The following RHCE variants were observed in gnomAD, a reference collection of about 807,000 sequenced individuals.
RHCE encodes the protein Rh blood group CcEe antigens.
Under a neutral mutation model 43.8 loss-of-function variants are expected in RHCE, and 22 were observed. The ratio of observed to expected loss-of-function variants is 0.50; its 90% CI spans 0.36 to 0.72. The LOEUF is 0.72. RHCE is among the 30% of genes least tolerant of loss of function. The probability of loss-of-function intolerance (pLI) is 0.00; values close to 1 mark genes in which losing one functional copy is unlikely to be tolerated. For synonymous variants in RHCE, 156 were observed against 210.7 expected (o/e 0.74, Z 2.25); for missense variants, 385 against 525.4 (o/e 0.73, Z 2.61).
intron 8 of RHCE, among the ~76,000 whole-genome samples, chr1:25,374,122 G>C (rs2124327273): frequency 6.6e-6 from 1 of 150,432 alleles, no homozygotes; most frequent in East Asian, 2.0e-4. Flanking sequence ...TGCCTGGCCT[G>C]AATGTGTATT....
At chr1:25,401,239 C>T (rs1385555111) in intron 3 of RHCE, among the ~76,000 whole-genome samples, 2 of 152,194 alleles carry the variant, frequency 1.3e-5, no homozygotes, top group Non-Finnish European at 2.9e-5. Context: ...CCTCAAAACC[C>T]TATGTGGTAG....
chr1:25,427,473 G>A (rs946666897), intron 2 of RHCE, among the ~76,000 whole-genome samples: 1 of 152,238 alleles, frequency 6.6e-6, no homozygotes, highest in Non-Finnish European at 1.5e-5. Flanking sequence ...CTTCTGGCAG[G>A]AGGCCCACTT....
At chr1:25,380,873 T>C (rs546678483) in intron 7 of RHCE, among the ~76,000 whole-genome samples, 10 of 151,890 alleles carry the variant, frequency 6.6e-5, no homozygotes, top group South Asian at 2.1e-4. Flanking sequence ...CTGGCTTTGT[T>C]CTATGTGTAC....
chr1:25,373,482 A>C (rs1287912355), intron 8 of RHCE, among the ~76,000 whole-genome samples: 4 of 151,804 alleles, frequency 2.6e-5, no homozygotes, highest in African/African-American at 7.3e-5. Flanking sequence ...CTGCTTCTTC[A>C]CACAGACTCT....
chr1:25,394,725 A>G (rs1224246281), intron 3 of RHCE, among the ~76,000 whole-genome samples: 21 of 152,212 alleles, frequency 1.4e-4, no homozygotes, highest in Admixed American at 1.4e-3. Context: ...GCCCTCAGTC[A>G]TACATAAAGA....
intron 3 of RHCE, among the ~76,000 whole-genome samples, chr1:25,392,830 T>C (rs903381539): frequency 3.3e-5 from 5 of 152,058 alleles, no homozygotes; most frequent in Non-Finnish European, 5.9e-5. Context: ...CCCAAAGTGC[T>C]GAGATTACAG....
intron 1 of RHCE, among the ~76,000 whole-genome samples, chr1:25,414,479 G>A (rs1053711248): frequency 1.3e-5 from 2 of 151,984 alleles, no homozygotes; most frequent in African/African-American, 4.8e-5. Flanking sequence ...CTCTACCGGC[G>A]ACTCTCACCC....
intron 2 of RHCE, among the ~76,000 whole-genome samples, chr1:25,427,107 AG>A (rs1422256431): frequency 6.6e-6 from 1 of 151,918 alleles, no homozygotes; most frequent in Admixed American, 6.6e-5. Flanking sequence ...ATGTGTTAAG[AG>A]GTGGCCATCG....
intron 1 of RHCE, among the ~76,000 whole-genome samples, chr1:25,409,990 G>C (rs972330601): frequency 1.3e-5 from 2 of 152,008 alleles, no homozygotes; most frequent in African/African-American, 4.8e-5. Flanking sequence ...TCTGCCTCCT[G>C]GGTTCAAGTG....
chr1:25,382,613 C>G (rs1293260), intron 7 of RHCE, among the ~76,000 whole-genome samples: 65,824 of 151,098 alleles, frequency 0.44, 15,631 homozygotes, highest in Non-Finnish European at 0.54. Flanking sequence ...CTCCCCTGGC[C>G]AGACCCTCAG....
At chr1:25,413,316 G>A (rs1193867979) in intron 1 of RHCE, among the ~76,000 whole-genome samples, 3 of 152,116 alleles carry the variant, frequency 2.0e-5, no homozygotes, top group Non-Finnish European at 4.4e-5. Flanking sequence ...CCTCTCTTGG[G>A]CTCCAGGCCC....
At chr1:25,370,238 G>A (rs1645567509) in intron 9 of RHCE, among the ~76,000 whole-genome samples, 1 of 151,548 alleles carries the variant, frequency 6.6e-6, no homozygotes, top group Non-Finnish European at 1.5e-5. Flanking sequence ...CCCTGACTCT[G>A]AATGAATTTG....
At chr1:25,421,329 C>T (rs185888377), upstream of RHCE, among the ~76,000 whole-genome samples, 102 of 152,250 alleles carry the variant, frequency 6.7e-4, no homozygotes, top group African/African-American at 2.0e-3. Context: ...ACAGATAGGA[C>T]CCACGTAGAA....
At chr1:25,387,037 T>G (rs1377351120) in intron 6 of RHCE, among the ~76,000 whole-genome samples, 1 of 151,918 alleles carries the variant, frequency 6.6e-6, no homozygotes, top group Admixed American at 6.6e-5. Flanking sequence ...TCTCAATAAA[T>G]AAAAAAATAA....
chr1:25,401,350 C>G (rs1436858321), intron 3 of RHCE, among the ~76,000 whole-genome samples: 5 of 152,166 alleles, frequency 3.3e-5, no homozygotes. Context: ...ATGCACACCC[C>G]AGCCTTTGAC....
rs200871281 is a variant in RHCE at position 25,386,839 on chromosome 1, CAA to C, written c.940-997_940-996del. Reference sequence around the variant, plus strand: ...ACCGTCTCAACAACAACAACAACAACAAAACACACACACACACACACACACAC... The same window carrying C: ...ACCGTCTCAACAACAACAACAACAACAACACACACACACACACACACACAC... On this transcript the variant is annotated intron_variant, in intron 6 of 9. Transcript: ENST00000294413. 9.1e-3 allele frequency among the ~76,000 whole-genome samples: 1,172 copies of C among 128,168 alleles called. 16 individuals are homozygous for C. Among genetic ancestry groups the C allele is most frequent in the African/African-American group, 0.035 (1,100 of 31,196 alleles). 84.1% of individuals were successfully genotyped at this position (128,168 alleles called of 152,430 possible).
At chr1:25,370,595 T>C in intron 8 of RHCE, 55 bp from the exon 9 acceptor site, 2 of 1,431,768 alleles carry the variant, frequency 1.4e-6, no homozygotes, top group South Asian at 2.3e-5. Context: ...ATTTTTAATC[T>C]CAAGATTAAT....
chr1:25,371,895 G>A (rs1202868522), intron 8 of RHCE, among the ~76,000 whole-genome samples: 3 of 151,184 alleles, frequency 2.0e-5, no homozygotes, highest in Non-Finnish European at 4.4e-5. Flanking sequence ...TTTCCCTTTC[G>A]TGGTGCTGCT....
chr1:25,400,190 G>T (rs1225506329), intron 3 of RHCE, among the ~76,000 whole-genome samples: 12 of 152,204 alleles, frequency 7.9e-5, no homozygotes, highest in African/African-American at 1.9e-4. Flanking sequence ...TTCCCCTTTA[G>T]AGCAAAGTCC....
Sources: allele counts gnomAD v4.1 joint callset (sites outside exome capture counted in the v4.1 genomes callset), GRCh38; gene constraint gnomAD v4.1.1; transcripts MANE v1.5; gene names NCBI Gene and HGNC (gene_info 2026-07-23, HGNC 2026-07-21).